CFAP47: variants seen among roughly 807,000 people sequenced by gnomAD.
CFAP47 encodes the protein cilia- and flagella-associated protein 47.
Under a neutral mutation model 148.1 loss-of-function variants are expected in CFAP47, and 29 were observed. That is an observed-to-expected ratio of 0.20 (90% confidence interval 0.15 to 0.27). CFAP47 has a LOEUF of 0.27. Ranked by LOEUF, CFAP47 falls within the 10% of genes least tolerant of loss-of-function variation. CFAP47 has a pLI of 1.00. For synonymous variants in CFAP47, 664 were observed against 577.3 expected, an observed-to-expected ratio of 1.15 and a Z score of -2.15; for missense variants, 1,872 against 1,697.5, an observed-to-expected ratio of 1.10 and a Z score of -1.81.
chrX:36,018,858 C>T (rs1486048876), intron 22 of CFAP47, among the ~76,000 whole-genome samples: 1 of 109,399 alleles, frequency 9.1e-6, no homozygotes, highest in Non-Finnish European at 1.9e-5. Context: ...GGAATACTGG[C>T]CTCATAGAAT....
chrX:36,224,590 C>T lies in CFAP47; in HGVS notation c.6818-4038C>T, dbSNP rs148797173. 5.2e-3 allele frequency among the ~76,000 whole-genome samples: 584 copies of T among 111,680 alleles called. 1 individual carries two copies. Among genetic ancestry groups the T allele is most frequent in the African/African-American group, 0.018 (554 of 30,804 alleles). ...ATTTGATAGCTTCTTTTACATTAGT[C>T]TCTTTTTTGCTGCTGGTAATTCTTC... On this transcript the variant is annotated intron_variant, in intron 45 of 63. Transcript: ENST00000378653.
At chrX:36,173,568 A>G (rs963754663) in intron 39 of CFAP47, among the ~76,000 whole-genome samples, 1 of 111,697 alleles carries the variant, frequency 9.0e-6, no homozygotes, top group Non-Finnish European at 1.9e-5. Context: ...CTCAGTAGTC[A>G]TTCAGGAGCA....
chrX:36,089,332 G>A (rs1180077596), intron 30 of CFAP47, among the ~76,000 whole-genome samples: 18 of 110,044 alleles, frequency 1.6e-4, no homozygotes, highest in Admixed American at 4.9e-4. Context: ...TCGCACCACT[G>A]TACTCCAGCC....
chrX:36,177,218 A>G (rs923999935), intron 39 of CFAP47, among the ~76,000 whole-genome samples: 3 of 112,032 alleles, frequency 2.7e-5, no homozygotes, highest in Admixed American at 1.9e-4. Flanking sequence ...TTAAGCAGGG[A>G]TGATTCAGAC....
At chrX:36,367,394 A>G (rs1247541525) in intron 62 of CFAP47, among the ~76,000 whole-genome samples, 5 of 112,202 alleles carry the variant, frequency 4.5e-5, no homozygotes, top group African/African-American at 1.6e-4. Flanking sequence ...TTTGTTTTCA[A>G]AGGATGTTTC....
intron 8 of CFAP47, among the ~76,000 whole-genome samples, chrX:35,961,823 A>T (rs1383479036): frequency 9.0e-6 from 1 of 110,925 alleles, no homozygotes; most frequent in African/African-American, 3.3e-5. Flanking sequence ...TTTATTATTT[A>T]TTACTACTTT....
intron 27 of CFAP47, among the ~76,000 whole-genome samples, 158 bp from the exon 28 acceptor site, chrX:36,071,667 G>A (rs1384906680): frequency 9.0e-6 from 1 of 111,652 alleles, no homozygotes; most frequent in African/African-American, 3.3e-5. Flanking sequence ...TTTATGTACA[G>A]TGGGTGTTTA....
intron 38 of CFAP47, among the ~76,000 whole-genome samples, chrX:36,160,027 A>G (rs1008924241): frequency 1.8e-5 from 2 of 111,939 alleles, no homozygotes; most frequent in African/African-American, 6.5e-5. Flanking sequence ...ATTAATTTCT[A>G]CAATGGATGT....
intron 61 of CFAP47, 55 bp from the exon 62 acceptor site, chrX:36,366,911 A>G: frequency 1.2e-6 from 1 of 830,301 alleles, no homozygotes. Context: ...TGCTATATTT[A>G]TTCTCTTTAC....
At chrX:35,955,650 G>A (rs755870623) in intron 7 of CFAP47, among the ~76,000 whole-genome samples, 1 of 111,856 alleles carries the variant, frequency 8.9e-6, no homozygotes, top group Admixed American at 9.5e-5. Flanking sequence ...GTCTCAACCT[G>A]TCTTACCTTT....
At chrX:35,970,624 C>T (rs1175251496) in intron 10 of CFAP47, 144 bp from the exon 11 acceptor site, 3 of 396,444 alleles carry the variant, frequency 7.6e-6, no homozygotes, top group East Asian at 4.3e-5. Context: ...TATAGAATAG[C>T]ATATGAGGGG....
chrX:36,004,369 A>G (rs936713950), intron 21 of CFAP47, among the ~76,000 whole-genome samples: 6 of 111,306 alleles, frequency 5.4e-5, no homozygotes, highest in African/African-American at 1.6e-4. Context: ...AGAATAAAAT[A>G]TCTAAGAATA....
intron 1 of CFAP47, among the ~76,000 whole-genome samples, chrX:35,922,629 C>G (rs6527520): frequency 0.3 from 33,812 of 111,812 alleles, 5,991 homozygotes; most frequent in African/African-American, 0.68. Context: ...ATAAATTGCA[C>G]GAGGGTTGAG....
At chrX:36,312,467 CA>C (rs1386662745) in intron 56 of CFAP47, among the ~76,000 whole-genome samples, 10 of 108,805 alleles carry the variant, frequency 9.2e-5, no homozygotes, top group South Asian at 3.9e-4. Context: ...AGATATGCAC[CA>C]AAAAAAATAT....
At chrX:35,992,647 T>G (rs1393861492) in intron 17 of CFAP47, among the ~76,000 whole-genome samples, 2 of 111,406 alleles carry the variant, frequency 1.8e-5, no homozygotes, top group Non-Finnish European at 3.8e-5. Flanking sequence ...TATTCTAGCT[T>G]AAAGCATGGT....
intron 23 of CFAP47, among the ~76,000 whole-genome samples, chrX:36,033,495 A>G (rs772423739): frequency 8.9e-6 from 1 of 111,906 alleles, no homozygotes; most frequent in Non-Finnish European, 1.9e-5. Flanking sequence ...AAGTATAATA[A>G]CTTTTCCTCA....
At chrX:35,947,243 T>C (rs1294243444) in intron 3 of CFAP47, among the ~76,000 whole-genome samples, 2 of 110,239 alleles carry the variant, frequency 1.8e-5, no homozygotes, top group African/African-American at 6.6e-5. Context: ...TGTGGTTATG[T>C]GTATGCAGAT....
intron 22 of CFAP47, among the ~76,000 whole-genome samples, chrX:36,031,039 A>T (rs1370795723): frequency 9.0e-6 from 1 of 110,708 alleles, no homozygotes; most frequent in African/African-American, 3.3e-5. Context: ...CATTACCATT[A>T]AAAAAATTCC....
chrX:36,071,892 C>T lies in CFAP47; in HGVS notation c.4386C>T (p.Pro1462=). ...CTCCCTACCAGGATGCTAAACCACCCTCTCCTGCTTCAATTAAAAAGACAT... is the reference window on the plus strand; with the variant it reads ...CTCCCTACCAGGATGCTAAACCACCTTCTCCTGCTTCAATTAAAAAGACAT... The part of the protein sequence containing the change: ...VLPPYQDAKP[P]SPASIKKTYT... The change falls in exon 28 of 64, where the codon CCC becomes CCT. Residue 1462 remains proline (P), a synonymous_variant. Transcript: ENST00000378653. The T allele has an allele frequency of 2.5e-6, 3 of 1,204,890 alleles. No individual in the cohort carries two copies. Among genetic ancestry groups the T allele is most frequent in the African/African-American group, 1.7e-5 (1 of 57,630 alleles).
Sources: gnomAD v4.1 joint callset for allele counts (sites outside exome capture counted in the v4.1 genomes callset) on GRCh38, gnomAD v4.1.1 for gene constraint, MANE v1.5 for transcripts, NCBI Gene and HGNC (gene_info 2026-07-23, HGNC 2026-07-21) for gene names.